The following CNTN5 variants were observed in gnomAD, a reference collection of about 807,000 sequenced individuals.
CNTN5 encodes the protein contactin-5.
Under a neutral mutation model 129.1 loss-of-function variants are expected in CNTN5, and 77 were observed. The ratio of observed to expected loss-of-function variants is 0.60; its 90% CI spans 0.50 to 0.72. The LOEUF (loss-of-function observed/expected upper bound fraction) is 0.72, where lower values mean the gene tolerates loss of function less well. Ranked by LOEUF, CNTN5 falls within the 30% of genes least tolerant of loss-of-function variation. The probability of loss-of-function intolerance (pLI) is 0.00; values close to 1 mark genes in which losing one functional copy is unlikely to be tolerated. For synonymous variants in CNTN5, 509 were observed against 465.6 expected, an observed-to-expected ratio of 1.09 and a Z score of -1.20; for missense variants, 1,478 against 1,328.8, an observed-to-expected ratio of 1.11 and a Z score of -1.75.
At chr11:99,357,449 C>A (rs1056489012) in intron 2 of CNTN5, among the ~76,000 whole-genome samples, 4 of 151,640 alleles carry the variant, frequency 2.6e-5, no homozygotes, top group African/African-American at 9.7e-5. Flanking sequence ...TTACAGAACT[C>A]CTTTGCAAGC....
At chr11:100,270,715 G>A (rs1409551294) in intron 17 of CNTN5, among the ~76,000 whole-genome samples, 1 of 152,186 alleles carries the variant, frequency 6.6e-6, no homozygotes, top group Non-Finnish European at 1.5e-5. Flanking sequence ...ATGTTTGCCA[G>A]AACTGGGAGA....
chr11:100,091,216 G>A (rs905947639), intron 13 of CNTN5, among the ~76,000 whole-genome samples: 1 of 138,326 alleles, frequency 7.2e-6, no homozygotes, highest in African/African-American at 2.7e-5. Flanking sequence ...TATCTCCTCA[G>A]CTTGAAGTAC....
chr11:100,140,493 G>C lies in CNTN5; in HGVS notation c.1581-50633G>C, dbSNP rs570877108. On this transcript the variant is annotated intron_variant, in intron 13 of 24. Coordinates refer to ENST00000524871, the MANE Select transcript of CNTN5 (RefSeq NM_014361.4). ...ATTGTTGGTCTTGATGAGATTAAAG[G>C]CTTGTTGGAGTTAGGGTACAGAAAA... Among the ~76,000 whole-genome samples the C allele has an allele frequency of 5.3e-5, 8 of 152,254 alleles. No individual in the cohort carries two copies. The South Asian group carries it at 1.5e-3, about 28-fold the overall frequency.
chr11:99,344,108 C>A (rs114868994), intron 2 of CNTN5, among the ~76,000 whole-genome samples: 45 of 152,304 alleles, frequency 3.0e-4, no homozygotes, highest in African/African-American at 1.1e-3. Context: ...ATCTCCTCAA[C>A]TTCAAAGTGC....
At chr11:99,923,461 A>C (rs1006583531) in intron 7 of CNTN5, among the ~76,000 whole-genome samples, 1 of 152,204 alleles carries the variant, frequency 6.6e-6, no homozygotes, top group Admixed American at 6.5e-5. Context: ...TTTAGAAGCT[A>C]TCATTTATAG....
At position 99,051,398 on chromosome 11, in the gene CNTN5, C is replaced by A. The variant is rs562051923; in HGVS notation, c.-210+30128C>A. Among the ~76,000 whole-genome samples, 4 of 152,016 alleles carry A rather than the reference C, an allele frequency of 2.6e-5. No homozygotes were observed. The East Asian group carries it at 7.7e-4, about 29-fold the overall frequency. The stretch of plus-strand genomic sequence containing the variant: ...TAATTTTCATTATCTATAACGACTG[C>A]AGCCAATGGTGCTTATGTCTGAAAG... On this transcript the variant is annotated intron_variant, in intron 1 of 24. Coordinates refer to ENST00000524871, the MANE Select transcript of CNTN5 (RefSeq NM_014361.4).
At chr11:99,744,859 A>T (rs1448643672) in intron 3 of CNTN5, among the ~76,000 whole-genome samples, 1 of 151,750 alleles carries the variant, frequency 6.6e-6, no homozygotes, top group Non-Finnish European at 1.5e-5. Context: ...GAAAGAGAAG[A>T]ATAGTTGGCT....
chr11:99,641,308 G>A (rs1213685252), intron 3 of CNTN5, among the ~76,000 whole-genome samples: 1 of 152,168 alleles, frequency 6.6e-6, no homozygotes, highest in Non-Finnish European at 1.5e-5. Context: ...TACCTGAACA[G>A]TGAGGATCAA....
intron 3 of CNTN5, among the ~76,000 whole-genome samples, chr11:99,768,995 C>T (rs1944853338): frequency 1.3e-5 from 2 of 151,688 alleles, no homozygotes; most frequent in Admixed American, 1.3e-4. Context: ...ATGTTTATGA[C>T]CTGGCATTCC....
At chr11:99,931,218 G>T (rs979173478) in intron 7 of CNTN5, among the ~76,000 whole-genome samples, 1 of 151,874 alleles carries the variant, frequency 6.6e-6, no homozygotes, top group African/African-American at 2.4e-5. Flanking sequence ...TCTTTTCATT[G>T]CTTTTCCTGT....
chr11:100,035,643 A>AT (rs1941951473), intron 9 of CNTN5, among the ~76,000 whole-genome samples: 2 of 141,942 alleles, frequency 1.4e-5, no homozygotes, highest in East Asian at 4.1e-4. Context: ...TTGTTTCCTG[A>AT]CTTTTTAATG....
chr11:99,140,899 A>ATTT lies in CNTN5; in HGVS notation c.-210+119637_-210+119639dup, dbSNP rs71046669. Among the ~76,000 whole-genome samples, 632 of 149,824 alleles carry ATTT rather than the reference A, an allele frequency of 4.2e-3. 3 individuals carry two copies. Among genetic ancestry groups the ATTT allele is most frequent in the African/African-American group, 0.014 (583 of 40,984 alleles). The stretch of plus-strand genomic sequence containing the variant: ...GTGCTGCTTGATTCTATTTTCTAGT[A>ATTT]TTTTTTTTTTGAGGATGTTTGCAGC... On this transcript the variant is annotated intron_variant, in intron 1 of 24. Coordinates refer to ENST00000524871, the MANE Select transcript of CNTN5 (RefSeq NM_014361.4).
At chr11:100,195,919 A>T (rs1948626804) in intron 15 of CNTN5, among the ~76,000 whole-genome samples, 1 of 150,312 alleles carries the variant, frequency 6.7e-6, no homozygotes, top group African/African-American at 2.5e-5. Flanking sequence ...AGGAGAAAAC[A>T]TATAAAAGTG....
intron 1 of CNTN5, among the ~76,000 whole-genome samples, chr11:99,104,084 A>G (rs1866879305): frequency 6.6e-6 from 1 of 152,250 alleles, no homozygotes; most frequent in South Asian, 2.1e-4. Context: ...GCATAGAAAC[A>G]AACATTCATA....
chr11:100,322,246 G>A lies in CNTN5; in HGVS notation c.2730+13778G>A, dbSNP rs542872007. On this transcript the variant is annotated intron_variant, in intron 21 of 24. Transcript: ENST00000524871. ...ATGCCGTCTTTTTTTTTTTTTAGAC[G>A]GAGTCTCGCTCTGTCGCCCAGGCTG... Among the ~76,000 whole-genome samples, 10 of 150,330 alleles carry A rather than the reference G, an allele frequency of 6.7e-5. 1 individual carries two copies. In the South Asian group the frequency reaches 1.9e-3, roughly 29 times the overall value.
chr11:99,723,018 C>A (rs998926727), intron 3 of CNTN5, among the ~76,000 whole-genome samples: 1 of 151,944 alleles, frequency 6.6e-6, no homozygotes, highest in Non-Finnish European at 1.5e-5. Flanking sequence ...TCAGCTCATG[C>A]ACTCTAGTGT....
chr11:99,517,065 G>C (rs550683824), intron 2 of CNTN5, among the ~76,000 whole-genome samples: 6 of 152,180 alleles, frequency 3.9e-5, no homozygotes, highest in African/African-American at 1.4e-4. Flanking sequence ...TACACACACA[G>C]TTGAATTCTC....
chr11:99,887,196 C>A (rs184186067), intron 6 of CNTN5, among the ~76,000 whole-genome samples: 15 of 152,270 alleles, frequency 9.9e-5, no homozygotes, highest in Admixed American at 8.5e-4. Context: ...ATCCTGCTTT[C>A]CCTAAGGCAG....
At chr11:99,802,975 G>A (rs1946159468) in intron 3 of CNTN5, among the ~76,000 whole-genome samples, 1 of 152,166 alleles carries the variant, frequency 6.6e-6, no homozygotes, top group Admixed American at 6.5e-5. Context: ...GGCATGGAGT[G>A]GAGAGGGTCC....
Sources: gnomAD v4.1 joint callset for allele counts (sites outside exome capture counted in the v4.1 genomes callset) on GRCh38, gnomAD v4.1.1 for gene constraint, MANE v1.5 for transcripts, NCBI Gene and HGNC (gene_info 2026-07-23, HGNC 2026-07-21) for gene names.